The following HIVEP3 variants were observed in gnomAD, a reference collection of about 807,000 sequenced individuals.
HIVEP3 encodes HIVEP zinc finger 3, also known as transcription factor HIVEP3.
A neutral mutation model predicts 152.8 loss-of-function variants in HIVEP3; 49 were observed. The observed-to-expected ratio is 0.32, with a 90% CI of 0.26 to 0.41. The LOEUF is 0.41. Among genes scored for constraint, HIVEP3 ranks in the 10% least tolerant of loss-of-function variants. HIVEP3 has a pLI of 1.00. For synonymous variants in HIVEP3, 1,269 were observed against 1,289.0 expected (o/e 0.98, Z 0.33); for missense variants, 2,790 against 3,103.3 (o/e 0.90, Z 2.40).
intron 1 of HIVEP3, among the ~76,000 whole-genome samples, chr1:42,028,308 T>C (rs546655620): frequency 6.6e-6 from 1 of 152,336 alleles, no homozygotes; most frequent in African/African-American, 2.4e-5. Flanking sequence ...CCTGGCATTA[T>C]AGTAAGTGCT....
chr1:41,863,288 C>T (rs908468975), intron 1 of HIVEP3, among the ~76,000 whole-genome samples: 3 of 152,090 alleles, frequency 2.0e-5, no homozygotes, highest in Non-Finnish European at 2.9e-5. Flanking sequence ...AAGCAGAGAA[C>T]GCTGGAAAAG....
intron 2 of HIVEP3, among the ~76,000 whole-genome samples, chr1:41,685,296 G>A (rs1335223683): frequency 1.3e-5 from 2 of 152,254 alleles, no homozygotes; most frequent in African/African-American, 4.8e-5. Context: ...GCCTGTAGGA[G>A]TACCTGCCTT....
chr1:41,991,572 AG>A (rs1201683135), intron 1 of HIVEP3, among the ~76,000 whole-genome samples: 1 of 148,664 alleles, frequency 6.7e-6, no homozygotes, highest in African/African-American at 2.5e-5. Flanking sequence ...CAGAGGTACA[AG>A]GAGGAACTGG....
At chr1:41,806,946 G>T (rs532582726) in intron 1 of HIVEP3, among the ~76,000 whole-genome samples, 22 of 152,240 alleles carry the variant, frequency 1.4e-4, no homozygotes, top group South Asian at 4.2e-4. Flanking sequence ...CAGGAGGATG[G>T]GATGAGTCAT....
At chr1:41,986,798 T>G (rs1443410262) in intron 1 of HIVEP3, among the ~76,000 whole-genome samples, 1 of 152,216 alleles carries the variant, frequency 6.6e-6, no homozygotes, top group African/African-American at 2.4e-5. Flanking sequence ...CATAAACTAT[T>G]AAGATACTGT....
At chr1:42,007,813 C>A (rs1025629067) in intron 1 of HIVEP3, among the ~76,000 whole-genome samples, 1 of 84,320 alleles carries the variant, frequency 1.2e-5, no homozygotes, top group African/African-American at 3.6e-5. Flanking sequence ...GTAATACATT[C>A]ATTTGCTTAA....
At chr1:41,597,386 G>A (rs1383199496) in intron 3 of HIVEP3, among the ~76,000 whole-genome samples, 1 of 152,138 alleles carries the variant, frequency 6.6e-6, no homozygotes, top group African/African-American at 2.4e-5. Context: ...ATTGTCTGTG[G>A]GCATAATAAT....
rs545468068 is a variant in HIVEP3, at chr1:41,743,790, T to A, written c.-800-42795A>T. On this transcript the variant is annotated intron_variant, in intron 1 of 8. Transcript: ENST00000372583. ...GTCCCTAGCAGGCTCAGTAGACTTG[T>A]GAGTGGTTGCATTGAATGCCGGCCA... 7.9e-5 allele frequency among the ~76,000 whole-genome samples: 12 copies of A among 152,212 alleles called. No individual in the cohort carries two copies. The East Asian group carries it at 2.3e-3, about 29-fold the overall frequency.
At chr1:41,565,010 G>A (rs1391631382) in intron 5 of HIVEP3, among the ~76,000 whole-genome samples, 2 of 152,208 alleles carry the variant, frequency 1.3e-5, no homozygotes, top group Admixed American at 1.3e-4. Context: ...CAGAGCGTCA[G>A]GTGCTGCTGA....
intron 2 of HIVEP3, among the ~76,000 whole-genome samples, chr1:41,641,378 C>T (rs5010942): frequency 0.087 from 13,296 of 152,198 alleles, 1,088 homozygotes; most frequent in East Asian, 0.4. Context: ...ACCCAGGGTC[C>T]TCCGGGGACC....
intron 1 of HIVEP3, among the ~76,000 whole-genome samples, chr1:41,947,242 T>C (rs1006166837): frequency 2.0e-5 from 3 of 152,210 alleles, no homozygotes; most frequent in South Asian, 2.1e-4. Context: ...GATTTACTTT[T>C]AGCCACCCGT....
At chr1:41,979,353 G>C (rs934270612) in intron 1 of HIVEP3, among the ~76,000 whole-genome samples, 1 of 152,084 alleles carries the variant, frequency 6.6e-6, no homozygotes, top group Non-Finnish European at 1.5e-5. Flanking sequence ...CCACATGCTG[G>C]CTCGAAGACC....
At chr1:41,629,040 AC>A in intron 2 of HIVEP3, 93 bp from the exon 3 acceptor site, 9 of 961,036 alleles carry the variant, frequency 9.4e-6, no homozygotes, top group Non-Finnish European at 1.2e-5. Flanking sequence ...TGGAGGACAC[AC>A]CCCCCAACTA....
intron 6 of HIVEP3, among the ~76,000 whole-genome samples, chr1:41,523,589 C>T (rs964416841): frequency 3.3e-5 from 5 of 152,104 alleles, no homozygotes; most frequent in Admixed American, 6.5e-5. Flanking sequence ...ATAGAGAGAA[C>T]GGAAGGGGCC....
At chr1:42,022,308 C>A (rs2124535865) in intron 1 of HIVEP3, among the ~76,000 whole-genome samples, 1 of 152,166 alleles carries the variant, frequency 6.6e-6, no homozygotes, top group East Asian at 1.9e-4. Flanking sequence ...CCCAAAGCAC[C>A]TTAAATTTTT....
rs1044786425 is a variant in HIVEP3 at position 41,782,429 on chromosome 1, T to A, written c.-800-81434A>T. ...ATGATGTGAATATGCCACTGTAATG[T>A]ATGCTTAAAAATGGCTAAATGGGGC... is the stretch of plus-strand genomic sequence containing the variant. On this transcript the variant is annotated intron_variant, in intron 1 of 8. Coordinates refer to ENST00000372583, the MANE Select transcript of HIVEP3 (RefSeq NM_024503.5). 2.6e-5 allele frequency among the ~76,000 whole-genome samples: 4 copies of A among 152,248 alleles called. No homozygotes were observed. The South Asian group carries it at 8.3e-4, about 32-fold the overall frequency.
intron 1 of HIVEP3, among the ~76,000 whole-genome samples, chr1:41,861,756 C>T (rs1643890082): frequency 6.6e-6 from 1 of 152,128 alleles, no homozygotes; most frequent in African/African-American, 2.4e-5. Context: ...GGGCTTTCTC[C>T]AATAAGCTGC....
At chr1:41,674,625 T>C (rs774051987) in intron 2 of HIVEP3, among the ~76,000 whole-genome samples, 10 of 152,208 alleles carry the variant, frequency 6.6e-5, no homozygotes, top group Non-Finnish European at 1.2e-4. Flanking sequence ...TTTCCTATAA[T>C]GGCCTATTCA....
chr1:41,658,900 G>A (rs1426926797), intron 2 of HIVEP3, among the ~76,000 whole-genome samples: 2 of 152,136 alleles, frequency 1.3e-5, no homozygotes, highest in African/African-American at 2.4e-5. Flanking sequence ...ACAGAGCATC[G>A]AATTCTATAA....
Sources: gnomAD v4.1 joint callset for allele counts (sites outside exome capture counted in the v4.1 genomes callset) on GRCh38, gnomAD v4.1.1 for gene constraint, MANE v1.5 for transcripts, NCBI Gene and HGNC (gene_info 2026-07-23, HGNC 2026-07-21) for gene names.